IFT52: variants seen among roughly 807,000 people sequenced by gnomAD.
The protein encoded by IFT52 is intraflagellar transport 52.
A neutral mutation model predicts 54.4 loss-of-function variants in IFT52; 44 were observed. The observed-to-expected ratio is 0.81, with a 90% CI of 0.63 to 1.04. IFT52 has a LOEUF of 1.04. Ranked by LOEUF, IFT52 falls within the 50% of genes least tolerant of loss-of-function variation. The pLI, the probability that IFT52 is intolerant of heterozygous loss-of-function variation, is 0.00. For missense variants in IFT52, 452 were observed against 523.6 expected (o/e 0.86, Z 1.33); for synonymous variants, 181 against 185.3 (o/e 0.98, Z 0.19).
intron 1 of IFT52, among the ~76,000 whole-genome samples, chr20:43,592,879 G>C (rs1981642129): frequency 6.6e-6 from 1 of 152,196 alleles, no homozygotes; most frequent in Non-Finnish European, 1.5e-5. Context: ...GGAGGTTGAG[G>C]TAGGAGGATC....
At chr20:43,622,495 C>T (rs899339880) in intron 9 of IFT52, among the ~76,000 whole-genome samples, 4 of 151,320 alleles carry the variant, frequency 2.6e-5, no homozygotes, top group African/African-American at 9.7e-5. Context: ...CCCAGCTACT[C>T]GGGAGGCTGA....
chr20:43,600,158 T>C (rs1195734993), intron 3 of IFT52, among the ~76,000 whole-genome samples: 14 of 152,180 alleles, frequency 9.2e-5, no homozygotes, highest in Non-Finnish European at 2.9e-5. Context: ...GAAATAAATG[T>C]TTAATAAGTA....
chr20:43,595,585 C>A (rs1342725331), intron 2 of IFT52, among the ~76,000 whole-genome samples: 1 of 151,526 alleles, frequency 6.6e-6, no homozygotes, highest in Admixed American at 6.6e-5. Context: ...GAAATAAATT[C>A]TTATTAAAAC....
intron 6 of IFT52, among the ~76,000 whole-genome samples, chr20:43,612,642 T>C (rs1417744001): frequency 1.3e-5 from 2 of 151,878 alleles, no homozygotes; most frequent in South Asian, 2.1e-4. Context: ...CAGTGAGCCA[T>C]GTTCATACCA....
intron 6 of IFT52, among the ~76,000 whole-genome samples, chr20:43,610,733 C>T (rs1295222747): frequency 1.3e-5 from 2 of 150,374 alleles, no homozygotes; most frequent in Non-Finnish European, 2.9e-5. Context: ...AGCGAGACTC[C>T]GTCTCAAAAA....
chr20:43,631,940 T>C (rs1160041477), intron 10 of IFT52, among the ~76,000 whole-genome samples: 2 of 151,776 alleles, frequency 1.3e-5, no homozygotes, highest in African/African-American at 4.8e-5. Context: ...TTTTTTTTTT[T>C]TTAAGACAGA....
At chr20:43,598,577 C>G (rs1251557782) in intron 3 of IFT52, among the ~76,000 whole-genome samples, 1 of 152,106 alleles carries the variant, frequency 6.6e-6, no homozygotes, top group Non-Finnish European at 1.5e-5. Context: ...TGCTTGTACT[C>G]CCAGCTACTT....
At chr20:43,631,177 G>T (rs991943320) in intron 10 of IFT52, among the ~76,000 whole-genome samples, 1 of 152,172 alleles carries the variant, frequency 6.6e-6, no homozygotes, top group African/African-American at 2.4e-5. Context: ...ATTTGGGGAA[G>T]CTACTGTTTA....
intron 1 of IFT52, among the ~76,000 whole-genome samples, chr20:43,591,882 T>G (rs1981551737): frequency 6.6e-6 from 1 of 152,002 alleles, no homozygotes; most frequent in Non-Finnish European, 1.5e-5. Context: ...TGAAAATAAA[T>G]AAATTAATTT....
At chr20:43,612,882 C>T (rs1983567474) in intron 6 of IFT52, among the ~76,000 whole-genome samples, 1 of 152,126 alleles carries the variant, frequency 6.6e-6, no homozygotes, top group Middle Eastern at 3.2e-3. Context: ...TGTTTCTCTC[C>T]ATTCTGAGAG....
intron 13 of IFT52, 87 bp from the exon 14 acceptor site, chr20:43,646,849 A>G: frequency 9.2e-7 from 1 of 1,081,444 alleles, no homozygotes; most frequent in East Asian, 2.4e-5. Flanking sequence ...AAAGATTCAG[A>G]ATCTCTAAAG....
chr20:43,602,987 G>A (rs1367103596), intron 3 of IFT52, among the ~76,000 whole-genome samples: 2 of 152,060 alleles, frequency 1.3e-5, no homozygotes, highest in African/African-American at 4.8e-5. Context: ...GAGTTGTTTT[G>A]AATTATAAAG....
chr20:43,598,729 T>C (rs1982196833), intron 3 of IFT52, among the ~76,000 whole-genome samples: 1 of 152,114 alleles, frequency 6.6e-6, no homozygotes, highest in South Asian at 2.1e-4. Context: ...CTGAACTATA[T>C]ACTTCAGAAT....
rs562921091 is a variant in IFT52 at position 43,636,061 on chromosome 20, CCTTAT to C, written c.1011+52_1011+56del. ...TCCCACTGCAGAGCCCCACTGTTGC[CCTTAT>C]CTTGTCAGCAGGCATTCGCTGTGGT... On this transcript the variant is annotated intron_variant, in intron 11 of 13. Coordinates refer to ENST00000373030, the MANE Select transcript of IFT52 (RefSeq NM_016004.5). The C allele has an allele frequency of 1.5e-3, 2,282 of 1,566,632 alleles. 4 individuals are homozygous for C. Among genetic ancestry groups the C allele is most frequent in the Non-Finnish European group, 1.8e-3 (2,057 of 1,137,686 alleles).
At chr20:43,601,078 T>C (rs1437071199) in intron 3 of IFT52, among the ~76,000 whole-genome samples, 1 of 152,214 alleles carries the variant, frequency 6.6e-6, no homozygotes, top group Non-Finnish European at 1.5e-5. Context: ...TGCTGTGGAA[T>C]AGTTCTTTAC....
At chr20:43,632,220 C>A (rs1985221487) in intron 10 of IFT52, among the ~76,000 whole-genome samples, 1 of 151,856 alleles carries the variant, frequency 6.6e-6, no homozygotes, top group Non-Finnish European at 1.5e-5. Flanking sequence ...CCACTGCGCC[C>A]AGCCTATTTG....
chr20:43,606,078 G>A (rs1398385492), intron 6 of IFT52, among the ~76,000 whole-genome samples: 1 of 151,952 alleles, frequency 6.6e-6, no homozygotes, highest in Admixed American at 6.6e-5. Context: ...AAATTTAGCT[G>A]TGCGTGGTAG....
intron 12 of IFT52, among the ~76,000 whole-genome samples, chr20:43,637,713 T>C (rs1326225402): frequency 1.3e-5 from 2 of 152,182 alleles, no homozygotes; most frequent in African/African-American, 4.8e-5. Context: ...ATTTATGTCA[T>C]GTAAATAATG....
chr20:43,622,684 A>ATTTTATGTAAATATAAATATATACATAT lies in IFT52; in HGVS notation c.769-1153_769-1126dup, dbSNP rs1568767685. 5.8e-4 allele frequency among the ~76,000 whole-genome samples: 79 copies of ATTTTATGTAAATATAAATATATACATAT among 136,416 alleles called. 16 individuals are homozygous for ATTTTATGTAAATATAAATATATACATAT. Among genetic ancestry groups the ATTTTATGTAAATATAAATATATACATAT allele is most frequent in the Non-Finnish European group, 1.1e-3 (68 of 62,978 alleles). The allele number at this position is 136,416 out of a possible 152,430, so 89.5% of individuals were successfully genotyped here. ...TATATGTAAATATAAATATATACAT[A>ATTTTATGTAAATATAAATATATACATAT]TTTTATGTAAATATAAATATATACA... On this transcript the variant is annotated intron_variant, in intron 9 of 13. Transcript: ENST00000373030.
Sources: gnomAD v4.1 joint callset for allele counts (sites outside exome capture counted in the v4.1 genomes callset) on GRCh38, gnomAD v4.1.1 for gene constraint, MANE v1.5 for transcripts, NCBI Gene and HGNC (gene_info 2026-07-23, HGNC 2026-07-21) for gene names.